AFAP1L2: variants seen among roughly 807,000 people sequenced by gnomAD.
The protein encoded by AFAP1L2 is actin filament-associated protein 1-like 2.
Under a neutral mutation model 99.3 loss-of-function variants are expected in AFAP1L2, and 46 were observed. That is an observed-to-expected ratio of 0.46 (90% CI 0.37 to 0.59). The LOEUF is 0.59. AFAP1L2 is among the 20% of genes least tolerant of loss of function. The pLI, the probability that AFAP1L2 is intolerant of heterozygous loss-of-function variation, is 0.00. For missense variants in AFAP1L2, 959 were observed against 1,034.9 expected (o/e 0.93, Z 1.01); for synonymous variants, 397 against 419.1 (o/e 0.95, Z 0.64).
intron 1 of AFAP1L2, among the ~76,000 whole-genome samples, chr10:114,387,705 C>T (rs778969887): frequency 3.3e-5 from 5 of 152,172 alleles, no homozygotes; most frequent in Non-Finnish European, 5.9e-5. Flanking sequence ...CTGATATGAA[C>T]CCAATCTGCA....
the AFAP1L2 span, chr10:114,285,085 T>C: frequency 1.4e-6 from 1 of 724,666 alleles, no homozygotes; most frequent in East Asian, 3.1e-5. Context: ...TTGAACCATC[T>C]GCTTTCCAAT....
chr10:114,316,790 G>A (rs1372710143), intron 5 of AFAP1L2, among the ~76,000 whole-genome samples: 3 of 152,164 alleles, frequency 2.0e-5, no homozygotes, highest in Non-Finnish European at 4.4e-5. Context: ...TCCCTGAAAA[G>A]CAGGACATGG....
intron 18 of AFAP1L2, chr10:114,296,429 G>C: frequency 3.5e-6 from 1 of 287,712 alleles, no homozygotes; most frequent in Non-Finnish European, 6.6e-6. Context: ...GCAGCCCTAG[G>C]CATGTTCTTT....
rs1012636502 is a variant in AFAP1L2, at chr10:114,398,996, T to A, written c.16+5444A>T. The stretch of plus-strand genomic sequence containing the variant: ...CATTTCTGGAATCTGCCTTTGAGAT[T>A]TTGCTTCATTTCTTTTTGTGAACCA... On this transcript the variant is annotated intron_variant, in intron 1 of 18. Transcript: ENST00000304129. 2.1e-5 allele frequency: 23 copies of A among 1,104,834 alleles called. No individual in the cohort carries two copies. In the African/African-American group the frequency reaches 3.4e-4, roughly 16 times the overall value. The allele number at this position is 1,104,834 out of a possible 1,614,324, so 68.4% of individuals were successfully genotyped here. A position where few individuals can be genotyped will look rare whatever the true frequency, so the allele number is the denominator to read the frequency against.
chr10:114,310,220 G>C lies in AFAP1L2; in HGVS notation c.882+134C>G. 1.1e-5 allele frequency: 10 copies of C among 920,904 alleles called. No homozygotes were observed. In the Admixed American group the frequency reaches 1.2e-4, roughly 11 times the overall value. The allele number at this position is 920,904 out of a possible 1,614,324, so 57.0% of individuals were successfully genotyped here. ...TGGCTTACAGGCGTGAGCCCACCCT[G>C]CCCGGCCTCAAGCATTGTATGTTTC... On this transcript the variant is annotated intron_variant, in intron 8 of 18. Transcript: ENST00000304129.
At chr10:114,352,483 A>AAAAAAAT (rs946665007) in intron 1 of AFAP1L2, among the ~76,000 whole-genome samples, 2 of 148,908 alleles carry the variant, frequency 1.3e-5, no homozygotes, top group African/African-American at 2.5e-5. Context: ...CCAAATTAAA[A>AAAAAAAT]AAAAAAAAAA....
intron 16 of AFAP1L2, among the ~76,000 whole-genome samples, chr10:114,298,878 C>T (rs1247403117): frequency 6.6e-6 from 1 of 152,192 alleles, no homozygotes; most frequent in East Asian, 1.9e-4. Context: ...TGAAGGATGA[C>T]ATGAGACTCC....
chr10:114,332,203 T>A (rs1450667607), intron 3 of AFAP1L2, among the ~76,000 whole-genome samples: 1 of 152,188 alleles, frequency 6.6e-6, no homozygotes, highest in African/African-American at 2.4e-5. Flanking sequence ...TGGTGGCCAC[T>A]ATATTGAGCC....
intron 1 of AFAP1L2, among the ~76,000 whole-genome samples, chr10:114,353,195 G>A (rs1172176441): frequency 6.6e-6 from 1 of 152,180 alleles, no homozygotes; most frequent in African/African-American, 2.4e-5. Flanking sequence ...CTTCCTGGGG[G>A]TTGAGCTGCT....
chr10:114,337,576 C>G (rs2048165301), intron 2 of AFAP1L2, among the ~76,000 whole-genome samples: 1 of 152,190 alleles, frequency 6.6e-6, no homozygotes, highest in African/African-American at 2.4e-5. Context: ...GCTTCCCACC[C>G]CCTACGAGCT....
intron 1 of AFAP1L2, among the ~76,000 whole-genome samples, chr10:114,400,040 T>G (rs892873243): frequency 6.6e-6 from 1 of 152,240 alleles, no homozygotes; most frequent in Non-Finnish European, 1.5e-5. Flanking sequence ...CCTGAGCCAC[T>G]ACTTTCTTCA....
chr10:114,324,915 G>C (rs895391981), intron 4 of AFAP1L2, among the ~76,000 whole-genome samples: 2 of 152,218 alleles, frequency 1.3e-5, no homozygotes, highest in East Asian at 1.9e-4. Flanking sequence ...CCTACTCCTG[G>C]CCCAGGAGAC....
chr10:114,393,584 G>A (rs971012577), intron 1 of AFAP1L2: 38 of 152,336 alleles, frequency 2.5e-4, no homozygotes, highest in African/African-American at 9.1e-4. Flanking sequence ...GGAGGCTGGG[G>A]ACAGGGAGGG....
intron 5 of AFAP1L2, 115 bp from the exon 6 acceptor site, chr10:114,315,880 T>C (rs1310440585): frequency 6.7e-6 from 7 of 1,045,664 alleles, no homozygotes; most frequent in South Asian, 1.6e-5. Context: ...AGCCCCCGAC[T>C]CTCCCTGCCC....
chr10:114,287,580 G>A, the AFAP1L2 span, among the ~76,000 whole-genome samples: 41 of 152,310 alleles, frequency 2.7e-4, no homozygotes, highest in Middle Eastern at 3.4e-3. Flanking sequence ...CCCAAGGCGA[G>A]AGGCTTTCCC....
At chr10:114,382,489 G>A (rs921147825) in intron 1 of AFAP1L2, among the ~76,000 whole-genome samples, 7 of 152,078 alleles carry the variant, frequency 4.6e-5, no homozygotes, top group African/African-American at 1.7e-4. Context: ...ACAAAGACAG[G>A]CTGGCTAATG....
the AFAP1L2 span, among the ~76,000 whole-genome samples, chr10:114,287,210 T>A: frequency 6.6e-6 from 1 of 152,168 alleles, no homozygotes; most frequent in Non-Finnish European, 1.5e-5. Context: ...AGACAGGGTC[T>A]TGCTCTGTTA....
chr10:114,313,949 C>T lies in AFAP1L2; in HGVS notation c.714G>A (p.Lys238=), dbSNP rs760492183. Reference sequence around the variant, plus strand: ...CGGCATTCATCGGCGTGATCTTCAGCTTGTGCTCCTTCTTCCGCACTTGCT... The same window carrying T: ...CGGCATTCATCGGCGTGATCTTCAGTTTGTGCTCCTTCTTCCGCACTTGCT... ...KEKQVRKKEH[K]LKITPMNADV... The change falls in exon 7 of 19, where the codon AAG becomes AAA. Residue 238 remains lysine (K), a synonymous_variant. Transcript: ENST00000304129. 15 of 1,614,110 alleles carry T rather than the reference C, an allele frequency of 9.3e-6. No individual in the cohort carries two copies. Among genetic ancestry groups the T allele is most frequent in the Non-Finnish European group, 1.3e-5 (15 of 1,180,006 alleles).
intron 8 of AFAP1L2, among the ~76,000 whole-genome samples, chr10:114,308,868 A>G (rs1256898577): frequency 6.6e-6 from 1 of 152,202 alleles, no homozygotes; most frequent in Non-Finnish European, 1.5e-5. Flanking sequence ...TGTTCTAGCA[A>G]TGTGAGCTGG....
Sources: allele counts gnomAD v4.1 joint callset (sites outside exome capture counted in the v4.1 genomes callset), GRCh38; gene constraint gnomAD v4.1.1; transcripts MANE v1.5; gene names NCBI Gene and HGNC (gene_info 2026-07-23, HGNC 2026-07-21).